DCC: variants seen among roughly 807,000 people sequenced by gnomAD.
The protein encoded by DCC is DCC netrin 1 receptor.
Under a neutral mutation model 172.5 loss-of-function variants are expected in DCC, and 58 were observed. The observed-to-expected ratio is 0.34, with a 90% CI of 0.27 to 0.42. The LOEUF (loss-of-function observed/expected upper bound fraction) is 0.42. Ranked by LOEUF, DCC falls within the 10% of genes least tolerant of loss-of-function variation. The probability of loss-of-function intolerance (pLI) is 1.00; values close to 1 mark genes in which losing one functional copy is unlikely to be tolerated. For synonymous variants in DCC, 709 were observed against 644.5 expected (o/e 1.10, Z -1.52); for missense variants, 1,740 against 1,791.0 (o/e 0.97, Z 0.51).
intron 25 of DCC, among the ~76,000 whole-genome samples, chr18:53,483,008 G>T (rs1006624661): frequency 2.6e-5 from 4 of 151,824 alleles, no homozygotes; most frequent in African/African-American, 9.7e-5. Context: ...TAAAATGACA[G>T]ATTTCTAAAT....
chr18:53,337,327 CTTG>C (rs2057602955), intron 14 of DCC, among the ~76,000 whole-genome samples: 2 of 152,158 alleles, frequency 1.3e-5, no homozygotes, highest in Non-Finnish European at 2.9e-5. Context: ...GGCAGATTAT[CTTG>C]TTGTTTTAAT....
intron 5 of DCC, among the ~76,000 whole-genome samples, chr18:53,010,306 T>C (rs1170740920): frequency 1.3e-5 from 2 of 151,934 alleles, no homozygotes; most frequent in Non-Finnish European, 2.9e-5. Context: ...TTGCTTTGGC[T>C]ATTAGATATC....
At chr18:53,175,727 A>G (rs2055082309) in intron 8 of DCC, among the ~76,000 whole-genome samples, 1 of 152,174 alleles carries the variant, frequency 6.6e-6, no homozygotes, top group Non-Finnish European at 1.5e-5. Flanking sequence ...AGGAGGAATC[A>G]ATATCGTGAA....
In DCC at chr18:53,322,081, G is replaced by A. The variant is rs750652044; in HGVS notation, c.2088G>A (p.Val696=). 64 of 1,609,606 alleles carry A rather than the reference G, an allele frequency of 4.0e-5. No individual in the cohort carries two copies. In the Admixed American group the frequency reaches 1.0e-3, roughly 25 times the overall value. The change falls in exon 14 of 29, where the codon GTG becomes GTA. Residue 696 remains valine (V), a synonymous_variant. Coordinates refer to ENST00000442544, the MANE Select transcript of DCC (RefSeq NM_005215.4). ...LEKGSQYSFQ[V]SAMTVNGTGP... ...AAGGAAGTCAGTACAGTTTCCAGGT[G>A]TCAGCCATGACAGTCAATGGTACTG...
chr18:53,405,141 T>G (rs1909578550), intron 19 of DCC, among the ~76,000 whole-genome samples: 1 of 151,496 alleles, frequency 6.6e-6, no homozygotes, highest in African/African-American at 2.4e-5. Flanking sequence ...AGGGCACAAA[T>G]TTGCTATTCT....
intron 22 of DCC, among the ~76,000 whole-genome samples, chr18:53,446,607 G>T (rs935804198): frequency 2.0e-5 from 3 of 152,116 alleles, no homozygotes; most frequent in African/African-American, 7.2e-5. Context: ...ATTACTTGCA[G>T]AATCTGAATT....
intron 27 of DCC, among the ~76,000 whole-genome samples, chr18:53,522,910 CAA>C (rs1344889170): frequency 7.2e-5 from 11 of 152,218 alleles, no homozygotes; most frequent in African/African-American, 2.2e-4. Context: ...CCAAAATTGA[CAA>C]ATGGGATCAA....
At chr18:52,378,677 G>A (rs1343344923) in intron 1 of DCC, among the ~76,000 whole-genome samples, 1 of 151,986 alleles carries the variant, frequency 6.6e-6, no homozygotes, top group Non-Finnish European at 1.5e-5. Context: ...CTCCCAGGAA[G>A]CTGAGACTAC....
intron 21 of DCC, among the ~76,000 whole-genome samples, chr18:53,428,769 A>AC: frequency 5.4e-5 from 3 of 55,786 alleles, no homozygotes; most frequent in African/African-American, 1.8e-4. Context: ...TAAATTATAT[A>AC]TTATATATTT....
intron 1 of DCC, among the ~76,000 whole-genome samples, chr18:52,561,915 C>T (rs1308674147): frequency 6.6e-6 from 1 of 152,094 alleles, no homozygotes; most frequent in Non-Finnish European, 1.5e-5. Flanking sequence ...TTATCACTGG[C>T]TTTTCTTTTA....
intron 19 of DCC, among the ~76,000 whole-genome samples, chr18:53,409,892 C>T (rs1383741541): frequency 3.3e-5 from 5 of 152,144 alleles, no homozygotes; most frequent in South Asian, 4.1e-4. Flanking sequence ...ATTGCCCAGA[C>T]CTTTTACCAA....
chr18:53,155,978 G>T (rs1181063074), intron 7 of DCC, among the ~76,000 whole-genome samples: 1 of 152,144 alleles, frequency 6.6e-6, no homozygotes, highest in Non-Finnish European at 1.5e-5. Context: ...GACAGATACT[G>T]ACAGGAATAA....
At chr18:53,023,151 C>T (rs6508186) in intron 5 of DCC, among the ~76,000 whole-genome samples, 81,374 of 151,382 alleles carry the variant, frequency 0.54, 22,142 homozygotes, top group Middle Eastern at 0.58. Context: ...GTAATTAGTA[C>T]TACTTAACAG....
At chr18:52,848,118 C>T (rs1468492463) in intron 2 of DCC, among the ~76,000 whole-genome samples, 1 of 137,504 alleles carries the variant, frequency 7.3e-6, no homozygotes, top group Non-Finnish European at 1.5e-5. Context: ...AAGATTCTCA[C>T]TCTGTTGCCC....
chr18:53,078,901 C>A (rs1427466191), intron 7 of DCC, among the ~76,000 whole-genome samples: 2 of 152,134 alleles, frequency 1.3e-5, no homozygotes, highest in South Asian at 2.1e-4. Context: ...AAGAAAAGTC[C>A]AACAGAAAAG....
intron 2 of DCC, among the ~76,000 whole-genome samples, chr18:52,794,975 T>A (rs987727704): frequency 2.0e-5 from 3 of 152,006 alleles, no homozygotes; most frequent in Admixed American, 6.6e-5. Context: ...CTGAGACAAA[T>A]CCCCCTTAAT....
intron 9 of DCC, among the ~76,000 whole-genome samples, chr18:53,190,385 T>A (rs1285951199): frequency 1.3e-5 from 2 of 151,728 alleles, no homozygotes; most frequent in African/African-American, 4.8e-5. Flanking sequence ...ATGACAAAAT[T>A]AAATGCAAAA....
chr18:53,189,165 G>A (rs2055330299), intron 9 of DCC, among the ~76,000 whole-genome samples: 1 of 152,016 alleles, frequency 6.6e-6, no homozygotes, highest in South Asian at 2.1e-4. Context: ...ATGTATTTAT[G>A]TGCATGTATA....
chr18:53,352,311 A>C (rs2057821666), intron 15 of DCC, among the ~76,000 whole-genome samples: 1 of 152,148 alleles, frequency 6.6e-6, no homozygotes, highest in Admixed American at 6.6e-5. Context: ...ACTTGGAGGA[A>C]AGAGACAGAA....
Sources: gnomAD v4.1 joint callset for allele counts (sites outside exome capture counted in the v4.1 genomes callset) on GRCh38, gnomAD v4.1.1 for gene constraint, MANE v1.5 for transcripts, NCBI Gene and HGNC (gene_info 2026-07-23, HGNC 2026-07-21) for gene names.